Variants in CDH12 observed in about 807,000 individuals in gnomAD.
CDH12 encodes the protein cadherin-12.
Under a neutral mutation model 74.1 loss-of-function variants are expected in CDH12, and 41 were observed. The observed-to-expected ratio is 0.55, with a 90% CI of 0.43 to 0.72. The LOEUF is 0.72. Ranked by LOEUF, CDH12 falls within the 30% of genes least tolerant of loss-of-function variation. CDH12 has a pLI of 0.00. For synonymous variants in CDH12, 399 were observed against 355.0 expected (o/e 1.12, Z -1.39); for missense variants, 945 against 977.2 (o/e 0.97, Z 0.44).
At chr5:22,250,140 A>G (rs1423539149) in intron 3 of CDH12, among the ~76,000 whole-genome samples, 1 of 152,078 alleles carries the variant, frequency 6.6e-6, no homozygotes, top group Non-Finnish European at 1.5e-5. Flanking sequence ...AATTTGAGCT[A>G]AGTATGCACT....
At chr5:22,674,586 G>C (rs949508355) in intron 1 of CDH12, among the ~76,000 whole-genome samples, 1 of 152,144 alleles carries the variant, frequency 6.6e-6, no homozygotes, top group Non-Finnish European at 1.5e-5. Flanking sequence ...CTGGGTAACA[G>C]GCAGAAGTTG....
intron 6 of CDH12, among the ~76,000 whole-genome samples, chr5:21,943,389 T>C (rs1246205429): frequency 1.3e-5 from 2 of 152,214 alleles, no homozygotes; most frequent in East Asian, 1.9e-4. Flanking sequence ...ACCAATTACA[T>C]ACATTTTAGA....
At chr5:22,578,503 T>A (rs1002229392) in intron 1 of CDH12, among the ~76,000 whole-genome samples, 1 of 152,176 alleles carries the variant, frequency 6.6e-6, no homozygotes, top group Non-Finnish European at 1.5e-5. Flanking sequence ...ATCACTCTTT[T>A]GTAGAATACG....
At chr5:22,315,429 G>A (rs1258767073) in intron 3 of CDH12, among the ~76,000 whole-genome samples, 1 of 151,926 alleles carries the variant, frequency 6.6e-6, no homozygotes, top group South Asian at 2.1e-4. Flanking sequence ...AATAAGAAAC[G>A]AGAGGAAGAA....
At chr5:22,366,878 G>A (rs115057238) in intron 3 of CDH12, among the ~76,000 whole-genome samples, 1,632 of 152,184 alleles carry the variant, frequency 0.011, 21 homozygotes, top group Non-Finnish European at 0.014. Context: ...TTTTATCTCT[G>A]CCATTTACTG....
At chr5:22,420,687 T>G (rs2126495205) in intron 2 of CDH12, among the ~76,000 whole-genome samples, 1 of 152,306 alleles carries the variant, frequency 6.6e-6, no homozygotes, top group East Asian at 1.9e-4. Context: ...AAAATACTTT[T>G]AAACTATTAA....
chr5:22,198,657 A>G (rs539594662), intron 4 of CDH12, among the ~76,000 whole-genome samples: 1 of 152,222 alleles, frequency 6.6e-6, no homozygotes, highest in South Asian at 2.1e-4. Context: ...ATTCTGCTCT[A>G]TCTAGTAAGT....
intron 5 of CDH12, among the ~76,000 whole-genome samples, chr5:22,028,105 T>C (rs563393376): frequency 1.6e-4 from 24 of 152,268 alleles, no homozygotes; most frequent in Non-Finnish European, 3.2e-4. Context: ...GTTGTTCAGT[T>C]TCCATGTAGT....
intron 1 of CDH12, among the ~76,000 whole-genome samples, chr5:22,597,032 C>T (rs891754053): frequency 1.3e-5 from 2 of 152,094 alleles, no homozygotes; most frequent in South Asian, 2.1e-4. Context: ...GTTGGAGAAT[C>T]GCTGGATTAC....
At chr5:21,943,192 C>T (rs1481309944) in intron 6 of CDH12, among the ~76,000 whole-genome samples, 1 of 151,430 alleles carries the variant, frequency 6.6e-6, no homozygotes, top group African/African-American at 2.4e-5. Flanking sequence ...AAGCCTCTTT[C>T]CTTTGTAAAT....
chr5:22,161,017 A>G (rs545244618), intron 4 of CDH12, among the ~76,000 whole-genome samples: 1 of 152,236 alleles, frequency 6.6e-6, no homozygotes, highest in African/African-American at 2.4e-5. Context: ...GCCCTCATTT[A>G]ACACTCATGA....
At chr5:22,198,849 G>T (rs1750765297) in intron 4 of CDH12, among the ~76,000 whole-genome samples, 1 of 151,792 alleles carries the variant, frequency 6.6e-6, no homozygotes, top group African/African-American at 2.4e-5. Context: ...TCAAGATTTT[G>T]AAATGTTTAA....
chr5:22,256,473 G>C (rs1392794887), intron 3 of CDH12, among the ~76,000 whole-genome samples: 1 of 152,110 alleles, frequency 6.6e-6, no homozygotes, highest in Non-Finnish European at 1.5e-5. Context: ...AATTGATCAT[G>C]ATAAGCAACT....
intron 6 of CDH12, among the ~76,000 whole-genome samples, chr5:21,889,179 A>G (rs1752782318): frequency 6.6e-6 from 1 of 151,924 alleles, no homozygotes; most frequent in African/African-American, 2.4e-5. Context: ...CAATAAGGGA[A>G]TGAGAAAAGT....
chr5:22,201,041 A>G (rs1400289038), intron 4 of CDH12, among the ~76,000 whole-genome samples: 1 of 152,236 alleles, frequency 6.6e-6, no homozygotes, highest in Non-Finnish European at 1.5e-5. Context: ...CTGAAGGACA[A>G]TAGATCTAGT....
chr5:22,396,618 G>C (rs1409521146), intron 3 of CDH12, among the ~76,000 whole-genome samples: 2 of 152,082 alleles, frequency 1.3e-5, no homozygotes, highest in Non-Finnish European at 2.9e-5. Context: ...AGCAAATTTG[G>C]AGGTAGTTAG....
chr5:22,525,838 T>G (rs774943439), intron 1 of CDH12, among the ~76,000 whole-genome samples: 14 of 152,268 alleles, frequency 9.2e-5, no homozygotes, highest in Non-Finnish European at 1.5e-4. Flanking sequence ...TGAGCATAAC[T>G]ACCTATGTCA....
chr5:22,067,561 G>A (rs1460152011), intron 5 of CDH12, among the ~76,000 whole-genome samples: 2 of 152,174 alleles, frequency 1.3e-5, no homozygotes, highest in Non-Finnish European at 1.5e-5. Context: ...TACGTAGACT[G>A]TTCTGCTGTT....
rs200191353 is a variant in CDH12 at position 21,926,098 on chromosome 5, GA to G, written c.526+48992del. On this transcript the variant is annotated intron_variant, in intron 6 of 14. Transcript: ENST00000382254. ...TTCAGATTGATCTGTAACCTTTTTT[GA>G]AAAAAAAAATCACGTCAGACACTTT... Among the ~76,000 whole-genome samples, 18 of 149,062 alleles carry G rather than the reference GA, an allele frequency of 1.2e-4. No individual in the cohort carries two copies. The South Asian group carries it at 2.1e-3, about 18-fold the overall frequency.
Sources: allele counts gnomAD v4.1 joint callset (sites outside exome capture counted in the v4.1 genomes callset), GRCh38; gene constraint gnomAD v4.1.1; transcripts MANE v1.5; gene names NCBI Gene and HGNC (gene_info 2026-07-23, HGNC 2026-07-21).